Variants in IQCM observed in about 807,000 individuals in gnomAD.
IQCM encodes IQ motif containing M, also known as IQ domain-containing protein M.
Under a neutral mutation model 57.6 loss-of-function variants are expected in IQCM, and 45 were observed. The observed-to-expected ratio is 0.78, with a 90% CI of 0.62 to 1.00. IQCM has a LOEUF of 1.00. Ranked by LOEUF, IQCM falls within the 50% of genes least tolerant of loss-of-function variation. IQCM has a pLI of 0.00. For synonymous variants in IQCM, 148 were observed against 158.9 expected (o/e 0.93, Z 0.51); for missense variants, 468 against 511.6 (o/e 0.91, Z 0.82).
chr4:149,733,132 G>T, intron 5 of IQCM, 112 bp downstream of exon 5: 1 of 979,264 alleles, frequency 1.0e-6, no homozygotes, highest in Non-Finnish European at 1.3e-6. Flanking sequence ...TCATTGTTAA[G>T]ATTTAAAGTT....
At chr4:149,518,252 G>C (rs1745198480) in intron 12 of IQCM, among the ~76,000 whole-genome samples, 1 of 152,116 alleles carries the variant, frequency 6.6e-6, no homozygotes, top group South Asian at 2.1e-4. Flanking sequence ...GAGTGGAAAT[G>C]AAAATTTCAC....
rs1362012300 is a variant in IQCM, at chr4:149,433,571, A to T, written c.1229-14T>A. The T allele has an allele frequency of 7.9e-6, 8 of 1,009,930 alleles. No homozygotes were observed. Among genetic ancestry groups the T allele is most frequent in the Non-Finnish European group, 1.0e-5 (8 of 786,156 alleles). The allele number at this position is 1,009,930 out of a possible 1,614,324, so 62.6% of individuals were successfully genotyped here. A position where few individuals can be genotyped will look rare whatever the true frequency, so the allele number is the denominator to read the frequency against. On this transcript the variant is annotated splice_polypyrimidine_tract_variant and intron_variant, in intron 12 of 13. Transcript: ENST00000636793. ...TTTCTTTGCCATCTATAAAGAAAAG[A>T]TAAAATATATAAAATTTTAGACATT...
chr4:149,593,489 C>A (rs939021540), intron 8 of IQCM, among the ~76,000 whole-genome samples: 1 of 152,066 alleles, frequency 6.6e-6, no homozygotes. Context: ...ACTTCCAACA[C>A]TATGTTGAAT....
intron 5 of IQCM, among the ~76,000 whole-genome samples, chr4:149,692,980 C>T (rs1255727379): frequency 2.6e-5 from 4 of 152,132 alleles, no homozygotes; most frequent in Non-Finnish European, 5.9e-5. Flanking sequence ...GGCATTAAAA[C>T]TGCCAACTTA....
In IQCM at chr4:149,756,721, C is replaced by T. The variant is rs114902895; in HGVS notation, c.-48-13982G>A. On this transcript the variant is annotated intron_variant, in intron 2 of 13. Transcript: ENST00000636793. ...TTTCATGTAGAACTAAAATTTTAAA[C>T]CCAACAATCAAGAAGGGGGAAAGAA... Among the ~76,000 whole-genome samples, 368 of 152,018 alleles carry T rather than the reference C, an allele frequency of 2.4e-3. 1 individual carries two copies. Among genetic ancestry groups the T allele is most frequent in the African/African-American group, 8.3e-3 (344 of 41,446 alleles).
At chr4:149,655,523 A>G (rs968143462) in intron 7 of IQCM, among the ~76,000 whole-genome samples, 1 of 152,156 alleles carries the variant, frequency 6.6e-6, no homozygotes, top group Admixed American at 6.6e-5. Context: ...TGTCTTTATG[A>G]AATATCTATT....
intron 12 of IQCM, among the ~76,000 whole-genome samples, chr4:149,544,572 T>A (rs1309479376): frequency 1.3e-5 from 2 of 152,084 alleles, no homozygotes; most frequent in Non-Finnish European, 2.9e-5. Flanking sequence ...ACTATAAAAG[T>A]TCCTGAAAAG....
At chr4:149,542,090 A>C (rs1452736797) in intron 12 of IQCM, among the ~76,000 whole-genome samples, 3 of 152,188 alleles carry the variant, frequency 2.0e-5, no homozygotes, top group African/African-American at 4.8e-5. Context: ...TTATTTTAGA[A>C]TATCTCCTCC....
At chr4:149,396,966 T>C (rs781541013) in intron 13 of IQCM, among the ~76,000 whole-genome samples, 1 of 152,052 alleles carries the variant, frequency 6.6e-6, no homozygotes, top group Non-Finnish European at 1.5e-5. Flanking sequence ...ATTTAGGTTG[T>C]TTCCACATCT....
At chr4:149,402,555 T>A (rs559947522) in intron 13 of IQCM, among the ~76,000 whole-genome samples, 2 of 151,904 alleles carry the variant, frequency 1.3e-5, no homozygotes, top group South Asian at 4.1e-4. Context: ...TGAGACAGAA[T>A]AAGAGAGGAG....
chr4:149,762,424 G>A (rs1385020842), intron 2 of IQCM, among the ~76,000 whole-genome samples: 1 of 150,962 alleles, frequency 6.6e-6, no homozygotes, highest in East Asian at 1.9e-4. Context: ...CTTGAAAAAT[G>A]TGACAGGGGA....
At chr4:149,361,535 C>A (rs978053520) in intron 13 of IQCM, among the ~76,000 whole-genome samples, 10 of 152,192 alleles carry the variant, frequency 6.6e-5, no homozygotes, top group Admixed American at 5.2e-4. Context: ...ATGTCCCAGC[C>A]ATTCCAGCTG....
chr4:149,586,714 T>C (rs1237204142), intron 9 of IQCM, among the ~76,000 whole-genome samples: 1 of 151,680 alleles, frequency 6.6e-6, no homozygotes, highest in African/African-American at 2.4e-5. Context: ...AATTAATTAA[T>C]GGTTTGTTAA....
chr4:149,369,167 C>A (rs925347467), intron 13 of IQCM, among the ~76,000 whole-genome samples: 1 of 150,746 alleles, frequency 6.6e-6, no homozygotes, highest in Admixed American at 6.7e-5. Flanking sequence ...GCTTCAGCCT[C>A]CCGAGTAGCT....
At chr4:149,527,123 C>T (rs999983260) in intron 12 of IQCM, among the ~76,000 whole-genome samples, 8 of 152,132 alleles carry the variant, frequency 5.3e-5, no homozygotes, top group African/African-American at 1.7e-4. Context: ...TCATGATTAT[C>T]GTTCCCATAA....
intron 7 of IQCM, among the ~76,000 whole-genome samples, chr4:149,650,574 G>A (rs535877500): frequency 5.3e-5 from 8 of 152,154 alleles, no homozygotes; most frequent in African/African-American, 1.9e-4. Context: ...ATTTTTAGGA[G>A]AGACAGGGTT....
chr4:149,622,212 C>T (rs1447531019), intron 7 of IQCM, among the ~76,000 whole-genome samples: 1 of 152,188 alleles, frequency 6.6e-6, no homozygotes, highest in African/African-American at 2.4e-5. Flanking sequence ...CATTCTGCCT[C>T]ATTTTAACTT....
chr4:149,735,610 G>A (rs1031092423), intron 3 of IQCM, among the ~76,000 whole-genome samples, 152 bp from the exon 4 acceptor site: 3 of 152,138 alleles, frequency 2.0e-5, no homozygotes, highest in Admixed American at 6.5e-5. Flanking sequence ...ATGGTCAGGT[G>A]ATAAGATAGG....
chr4:149,404,994 C>T (rs972795948), intron 13 of IQCM, among the ~76,000 whole-genome samples: 1 of 151,902 alleles, frequency 6.6e-6, no homozygotes, highest in African/African-American at 2.4e-5. Context: ...TATGGAGAAG[C>T]AACAATTCAG....
Sources: gnomAD v4.1 joint callset for allele counts (sites outside exome capture counted in the v4.1 genomes callset) on GRCh38, gnomAD v4.1.1 for gene constraint, MANE v1.5 for transcripts, NCBI Gene and HGNC (gene_info 2026-07-23, HGNC 2026-07-21) for gene names.